The following ZFHX3 variants were observed in gnomAD, a reference collection of about 807,000 sequenced individuals.
ZFHX3 encodes the protein zinc finger homeobox 3, also known as zinc finger homeobox protein 3.
In ZFHX3, 42 loss-of-function variants were observed where a neutral mutation model predicts 279.1. That is an observed-to-expected ratio of 0.15 (90% CI 0.12 to 0.19). The LOEUF (loss-of-function observed/expected upper bound fraction) is 0.19. Among genes scored for constraint, ZFHX3 ranks in the 10% least tolerant of loss-of-function variants. The probability of loss-of-function intolerance (pLI) is 1.00; values close to 1 mark genes in which losing one functional copy is unlikely to be tolerated. For missense variants in ZFHX3, 4,981 were observed against 4,754.0 expected, an observed-to-expected ratio of 1.05 and a Z score of -1.40; for synonymous variants, 2,293 against 1,957.8, an observed-to-expected ratio of 1.17 and a Z score of -4.52.
At chr16:73,652,587 G>C (rs1038203) in intron 2 of ZFHX3, among the ~76,000 whole-genome samples, 1 of 152,192 alleles carries the variant, frequency 6.6e-6, no homozygotes, top group South Asian at 2.1e-4. Flanking sequence ...CACGAAATTA[G>C]TGACAATTCT....
chr16:73,030,357 C>A (rs942905833), intron 1 of ZFHX3, among the ~76,000 whole-genome samples: 3 of 152,194 alleles, frequency 2.0e-5, no homozygotes, highest in Non-Finnish European at 4.4e-5. Flanking sequence ...CTTCACCTAC[C>A]AGATAAGCAA....
At chr16:73,787,736 T>C (rs1274244252) in intron 1 of ZFHX3, among the ~76,000 whole-genome samples, 2 of 152,086 alleles carry the variant, frequency 1.3e-5, no homozygotes, top group African/African-American at 2.4e-5. Context: ...GACTTCATAA[T>C]GTACTCACCA....
At chr16:73,873,777 T>A (rs2029878020) in intron 1 of ZFHX3, among the ~76,000 whole-genome samples, 2 of 152,142 alleles carry the variant, frequency 1.3e-5, no homozygotes, top group African/African-American at 4.8e-5. Flanking sequence ...GTTCCCTGTT[T>A]GTGGCTCACG....
chr16:73,580,546 G>A (rs572713770), intron 2 of ZFHX3, among the ~76,000 whole-genome samples: 39 of 150,626 alleles, frequency 2.6e-4, no homozygotes, highest in Non-Finnish European at 4.7e-4. Context: ...TTGCTAACTG[G>A]GACTATCTAG....
intron 2 of ZFHX3, among the ~76,000 whole-genome samples, chr16:73,614,813 G>A (rs922357802): frequency 6.6e-6 from 1 of 151,940 alleles, no homozygotes; most frequent in Admixed American, 6.6e-5. Flanking sequence ...AGGCTGAAGT[G>A]CAATGGCATG....
At chr16:73,251,377 G>A (rs1470440587) in intron 5 of ZFHX3, among the ~76,000 whole-genome samples, 4 of 152,184 alleles carry the variant, frequency 2.6e-5, no homozygotes, top group Admixed American at 6.5e-5. Flanking sequence ...CAGCGAGCAC[G>A]GAGCACTGTT....
chr16:73,377,460 A>G (rs777485768), intron 3 of ZFHX3, among the ~76,000 whole-genome samples: 8 of 152,198 alleles, frequency 5.3e-5, no homozygotes, highest in Non-Finnish European at 8.8e-5. Context: ...CTAAGAGCAC[A>G]GAAACAGACC....
intron 2 of ZFHX3, among the ~76,000 whole-genome samples, chr16:73,633,560 A>G (rs889903281): frequency 6.6e-5 from 10 of 152,208 alleles, no homozygotes; most frequent in African/African-American, 2.4e-4. Context: ...TGGTGGGTAT[A>G]TGCGGTTTGA....
chr16:73,293,986 CAAAAAAAAA>C (rs56783722), intron 4 of ZFHX3: 1 of 41,732 alleles, frequency 2.4e-5, no homozygotes, highest in Non-Finnish European at 4.5e-5. Context: ...GTCAATATGC[CAAAAAAAAA>C]AAAAAAAAAA....
intron 1 of ZFHX3, among the ~76,000 whole-genome samples, chr16:73,784,792 A>G (rs561896995): frequency 8.7e-6 from 1 of 115,594 alleles, no homozygotes; most frequent in Non-Finnish European, 1.8e-5. Flanking sequence ...AAAATAAAAA[A>G]AAAAATATAT....
At chr16:73,606,096 G>A (rs1286793730) in intron 2 of ZFHX3, among the ~76,000 whole-genome samples, 2 of 147,462 alleles carry the variant, frequency 1.4e-5, no homozygotes, top group African/African-American at 2.6e-5. Flanking sequence ...GGTGGAGAAC[G>A]GCGTGAACCC....
At chr16:73,537,853 T>G (rs905369669) in intron 2 of ZFHX3, among the ~76,000 whole-genome samples, 10 of 152,360 alleles carry the variant, frequency 6.6e-5, no homozygotes, top group African/African-American at 1.9e-4. Context: ...GTCGTGGCTT[T>G]TTTGAAATCC....
chr16:73,846,219 T>C (rs1301003767), intron 1 of ZFHX3, among the ~76,000 whole-genome samples: 2 of 152,216 alleles, frequency 1.3e-5, no homozygotes, highest in Middle Eastern at 3.4e-3. Flanking sequence ...AATTTGACTG[T>C]ATGCAAGTGA....
chr16:72,975,884 T>G (rs989352704), intron 1 of ZFHX3, among the ~76,000 whole-genome samples: 6 of 152,286 alleles, frequency 3.9e-5, no homozygotes, highest in African/African-American at 1.4e-4. Context: ...TAAATAGTAC[T>G]TGGATTAATT....
intron 5 of ZFHX3, among the ~76,000 whole-genome samples, chr16:73,245,440 T>C (rs8052484): frequency 0.18 from 27,181 of 152,036 alleles, 3,984 homozygotes; most frequent in East Asian, 0.46. Flanking sequence ...GGGCCCACAT[T>C]CCAAATTTTC....
intron 1 of ZFHX3, among the ~76,000 whole-genome samples, chr16:73,770,828 T>A (rs745595246): frequency 7.9e-5 from 12 of 152,246 alleles, no homozygotes; most frequent in Admixed American, 2.0e-4. Flanking sequence ...TTCTCCAACA[T>A]AGCTGCTGAG....
chr16:73,650,428 G>A (rs149104624), intron 2 of ZFHX3, among the ~76,000 whole-genome samples: 2 of 152,028 alleles, frequency 1.3e-5, no homozygotes, highest in East Asian at 3.9e-4. Context: ...AAGAGTAAGT[G>A]CTACCCCCAG....
intron 3 of ZFHX3, among the ~76,000 whole-genome samples, chr16:73,356,508 G>C (rs1024440585): frequency 6.6e-6 from 1 of 152,056 alleles, no homozygotes; most frequent in African/African-American, 2.4e-5. Flanking sequence ...CCCTCACGGC[G>C]GTGACACATG....
intron 4 of ZFHX3, chr16:73,294,071 CT>C (rs1389219121): frequency 4.0e-5 from 6 of 149,492 alleles, no homozygotes; most frequent in Non-Finnish European, 8.8e-5. Flanking sequence ...GTTATTCTCG[CT>C]GTAAATTAAT....
Sources: allele counts gnomAD v4.1 joint callset (sites outside exome capture counted in the v4.1 genomes callset), GRCh38; gene constraint gnomAD v4.1.1; transcripts MANE v1.5; gene names NCBI Gene and HGNC (gene_info 2026-07-23, HGNC 2026-07-21).